The following RBKS variants were observed in gnomAD, a reference collection of about 807,000 sequenced individuals.
The protein encoded by RBKS is ribokinase.
RBKS carries 33 observed loss-of-function variants against 33.9 expected under a neutral mutation model. The ratio of observed to expected loss-of-function variants is 0.97; its 90% CI spans 0.74 to 1.30. The LOEUF is 1.30. RBKS is among the 50% of genes most tolerant of loss of function. RBKS has a pLI of 0.00. For synonymous variants in RBKS, 125 were observed against 143.0 expected (o/e 0.87, Z 0.90); for missense variants, 361 against 392.6 (o/e 0.92, Z 0.68).
chr2:27,817,332 A>G (rs567652321), intron 7 of RBKS, among the ~76,000 whole-genome samples: 70 of 152,318 alleles, frequency 4.6e-4, no homozygotes, highest in African/African-American at 1.7e-3. Context: ...CTACTTAAAG[A>G]AATGTAATAA....
At chr2:27,861,402 CCATATTTT>C (rs1663981513) in intron 1 of RBKS, 1 of 449,428 alleles carries the variant, frequency 2.2e-6, no homozygotes, top group Non-Finnish European at 4.7e-6. Flanking sequence ...AATAACAACT[CCATATTTT>C]ACCAGATCTT....
At chr2:27,821,040 C>CAAAAAAAAAAAAAAAAAAAA (rs59964452) in intron 7 of RBKS, among the ~76,000 whole-genome samples, 1 of 68,442 alleles carries the variant, frequency 1.5e-5, no homozygotes. Context: ...AACTCCATCT[C>CAAAAAAAAAAAAAAAAAAAA]AAAAAAAAAA....
At chr2:27,864,839 G>A (rs756603943) in intron 1 of RBKS, among the ~76,000 whole-genome samples, 6 of 152,200 alleles carry the variant, frequency 3.9e-5, no homozygotes, top group Non-Finnish European at 8.8e-5. Flanking sequence ...CCCCTCTGGG[G>A]TGGGGGAAGA....
chr2:27,805,541 A>G (rs142483971), intron 7 of RBKS, among the ~76,000 whole-genome samples: 4 of 152,274 alleles, frequency 2.6e-5, no homozygotes, highest in East Asian at 3.9e-4. Context: ...AGGAAACAGC[A>G]AGTTTGAAAA....
chr2:27,881,578 T>C (rs1664417738), intron 1 of RBKS, among the ~76,000 whole-genome samples: 1 of 151,244 alleles, frequency 6.6e-6, no homozygotes, highest in Admixed American at 6.6e-5. Context: ...AAAATAAAAA[T>C]TCATATGGAA....
chr2:27,785,218 T>G (rs1184648617), intron 7 of RBKS, among the ~76,000 whole-genome samples: 1 of 152,250 alleles, frequency 6.6e-6, no homozygotes, highest in African/African-American at 2.4e-5. Flanking sequence ...AACAGGTTTT[T>G]AATTTTATAA....
At chr2:27,790,253 G>A (rs1677497389) in intron 7 of RBKS, among the ~76,000 whole-genome samples, 1 of 151,938 alleles carries the variant, frequency 6.6e-6, no homozygotes, top group African/African-American at 2.4e-5. Context: ...TGGGACAAAT[G>A]GATATCCATA....
chr2:27,783,260 T>C (rs1434658056), intron 7 of RBKS, among the ~76,000 whole-genome samples: 2 of 152,060 alleles, frequency 1.3e-5, no homozygotes, highest in Admixed American at 1.3e-4. Context: ...CTGGGCAACA[T>C]GGCAAAACCT....
intron 7 of RBKS, among the ~76,000 whole-genome samples, chr2:27,783,004 T>C (rs1216820188): frequency 2.0e-5 from 3 of 152,236 alleles, no homozygotes; most frequent in Non-Finnish European, 4.4e-5. Flanking sequence ...ATGGTTGTTT[T>C]ATTCTTTGGG....
chr2:27,816,743 G>C (rs1475819894), intron 7 of RBKS, among the ~76,000 whole-genome samples: 1 of 152,034 alleles, frequency 6.6e-6, no homozygotes, highest in Non-Finnish European at 1.5e-5. Context: ...GACTACAGGT[G>C]CCTGCCACCA....
At chr2:27,838,456 A>C (rs1300337093) in intron 5 of RBKS, among the ~76,000 whole-genome samples, 1 of 152,210 alleles carries the variant, frequency 6.6e-6, no homozygotes, top group Non-Finnish European at 1.5e-5. Context: ...GAATTCCATA[A>C]TTTTACTGTA....
intron 7 of RBKS, among the ~76,000 whole-genome samples, chr2:27,788,997 T>A (rs1235626855): frequency 1.3e-5 from 2 of 152,202 alleles, no homozygotes; most frequent in East Asian, 3.8e-4. Context: ...AAACTGATTT[T>A]AAAATGTATA....
chr2:27,854,153 A>G, intron 2 of RBKS, among the ~76,000 whole-genome samples: 1 of 152,222 alleles, frequency 6.6e-6, no homozygotes, highest in East Asian at 1.9e-4. Flanking sequence ...ATAAAATACA[A>G]TAACAAGGAG....
intron 7 of RBKS, among the ~76,000 whole-genome samples, chr2:27,817,574 G>C (rs1294214649): frequency 6.6e-6 from 1 of 152,208 alleles, no homozygotes; most frequent in African/African-American, 2.4e-5. Flanking sequence ...TCACAGTTCC[G>C]CATGGCTGTG....
At chr2:27,840,876 CA>C (rs1370043453) in intron 5 of RBKS, among the ~76,000 whole-genome samples, 1 of 152,112 alleles carries the variant, frequency 6.6e-6, no homozygotes, top group Non-Finnish European at 1.5e-5. Flanking sequence ...CAATGCCTGC[CA>C]TATCTTTGTC....
intron 1 of RBKS, among the ~76,000 whole-genome samples, chr2:27,868,812 C>G (rs1363599795): frequency 6.6e-6 from 1 of 152,136 alleles, no homozygotes; most frequent in Non-Finnish European, 1.5e-5. Flanking sequence ...TGAGCTAATC[C>G]ATTCAAATCC....
intron 7 of RBKS, among the ~76,000 whole-genome samples, chr2:27,785,976 T>C (rs926179868): frequency 6.6e-6 from 1 of 152,192 alleles, no homozygotes; most frequent in Non-Finnish European, 1.5e-5. Flanking sequence ...ATTCTTATTA[T>C]GGAAAAGTAT....
intron 7 of RBKS, among the ~76,000 whole-genome samples, chr2:27,801,959 A>T (rs1189843810): frequency 3.2e-5 from 2 of 63,434 alleles, no homozygotes; most frequent in Admixed American, 1.4e-4. Flanking sequence ...GGAAAAAAAA[A>T]AAAAATATAT....
Position 27,849,209 on chromosome 2 carries a change from A to AC in RBKS, c.223-1113_223-1112insG, listed in dbSNP as rs201650918. ...ACATTCTTTTTAAAAATTTTATTTT[A>AC]TTTTTTTTTGCTTAAGCTATTTTGA... On this transcript the variant is annotated intron_variant, in intron 2 of 7. Transcript: ENST00000302188. 7.1e-4 allele frequency among the ~76,000 whole-genome samples: 107 copies of AC among 150,722 alleles called. 2 individuals are homozygous for AC. The East Asian group carries it at 0.02, about 28-fold the overall frequency.
Sources: allele counts gnomAD v4.1 joint callset (sites outside exome capture counted in the v4.1 genomes callset), GRCh38; gene constraint gnomAD v4.1.1; transcripts MANE v1.5; gene names NCBI Gene and HGNC (gene_info 2026-07-23, HGNC 2026-07-21).